The following FANCA variants were observed in gnomAD, a reference collection of about 807,000 sequenced individuals.
The protein encoded by FANCA is FA complementation group A, also known as Fanconi anemia group A protein.
Under a neutral mutation model 194.3 loss-of-function variants are expected in FANCA, and 236 were observed. That is an observed-to-expected ratio of 1.21 (90% CI 1.09 to 1.35). The LOEUF is 1.35. Ranked by LOEUF, FANCA falls within the 40% of genes most tolerant of loss-of-function variation. The pLI, the probability that FANCA is intolerant of heterozygous loss-of-function variation, is 0.00. For missense variants in FANCA, 2,628 were observed against 1,813.9 expected, an observed-to-expected ratio of 1.45 and a Z score of -8.15; for synonymous variants, 1,014 against 715.8, an observed-to-expected ratio of 1.42 and a Z score of -6.65.
At chr16:89,762,765 G>A (rs188283465) in intron 28 of FANCA, 32 of 452,178 alleles carry the variant, frequency 7.1e-5, no homozygotes, top group Non-Finnish European at 1.3e-4. Flanking sequence ...CAGATGGCTG[G>A]GACTGCAGGT....
At chr16:89,778,530 A>T in intron 20 of FANCA, 1 of 437,758 alleles carries the variant, frequency 2.3e-6, no homozygotes, top group Non-Finnish European at 4.1e-6. Flanking sequence ...CAGGAGGCTG[A>T]AGCAAGAGAA....
chr16:89,772,062 G>T (rs1295494906), intron 22 of FANCA, among the ~76,000 whole-genome samples: 1 of 152,134 alleles, frequency 6.6e-6, no homozygotes, highest in Non-Finnish European at 1.5e-5. Flanking sequence ...GCTGAGAGGG[G>T]GACATGTTCA....
At position 89,816,619 on chromosome 16, in the gene FANCA, C is replaced by G. The variant is rs543968869; in HGVS notation, c.-4G>C. 2 of 1,522,828 alleles carry G rather than the reference C, an allele frequency of 1.3e-6. No homozygotes were observed. Among genetic ancestry groups the G allele is most frequent in the African/African-American group, 2.8e-5 (2 of 70,416 alleles). The allele number at this position is 1,522,828 out of a possible 1,614,324, so 94.3% of individuals were successfully genotyped here. On this transcript the variant is annotated 5_prime_UTR_variant, in exon 1 of 43. Coordinates refer to ENST00000389301, the MANE Select transcript of FANCA (RefSeq NM_000135.4). ...TCGGGACCCACGAGTCGGACATGGCCTTGGCGCCTACAGCCCCGGCGGCGG... is the reference window on the plus strand; with the variant it reads ...TCGGGACCCACGAGTCGGACATGGCGTTGGCGCCTACAGCCCCGGCGGCGG...
intron 30 of FANCA, 125 bp downstream of exon 30, chr16:89,758,452 G>A (rs2038834245): frequency 8.9e-7 from 1 of 1,120,400 alleles, no homozygotes; most frequent in Non-Finnish European, 1.3e-6. Flanking sequence ...TTGGGTATAG[G>A]CTGGGAAAGG....
chr16:89,771,913 G>A (rs1407766053), intron 22 of FANCA, 99 bp from the exon 23 acceptor site: 15 of 1,386,874 alleles, frequency 1.1e-5, no homozygotes, highest in East Asian at 2.3e-5. Flanking sequence ...ACGATTCCAC[G>A]GATCCTGCTG....
At chr16:89,778,280 A>G (rs2039580823) in intron 20 of FANCA, 1 of 248,450 alleles carries the variant, frequency 4.0e-6, no homozygotes, top group South Asian at 3.5e-5. Flanking sequence ...CGCCTGGCCA[A>G]TATGGCAAAA....
chr16:89,779,936 C>T lies in FANCA; in HGVS notation c.1648G>A (p.Asp550Asn). 4 of 1,614,164 alleles carry T rather than the reference C, an allele frequency of 2.5e-6. No homozygotes were observed. The South Asian group carries it at 3.3e-5, about 13-fold the overall frequency. ...ITEPHSQALQ[D>N]VEKAIMVFEH... ...AACACCATGATGGCCTTTTCAACATCCTGAAGAGCTTGGCTGTGGGGCTGG... is the reference window on the plus strand; with the variant it reads ...AACACCATGATGGCCTTTTCAACATTCTGAAGAGCTTGGCTGTGGGGCTGG... Residue 550 changes from aspartate to asparagine, a missense_variant, in exon 18 of 43, where the codon GAT (aspartate) becomes AAT (asparagine). Physicochemically the swap from Asp to Asn is conservative, Grantham distance 23. Transcript: ENST00000389301.
At chr16:89,793,563 G>T (rs776167836) in intron 11 of FANCA, among the ~76,000 whole-genome samples, 3 of 151,832 alleles carry the variant, frequency 2.0e-5, no homozygotes, top group South Asian at 2.1e-4. Flanking sequence ...TCGTGTCCTC[G>T]GTCTCTTGCC....
chr16:89,776,159 CTTTTTTTTTTTTTT>C (rs3069458), intron 20 of FANCA, among the ~76,000 whole-genome samples: 12 of 93,276 alleles, frequency 1.3e-4, no homozygotes, highest in Non-Finnish European at 2.2e-4. Context: ...CTTTGTTTTT[CTTTTTTTTTTTTTT>C]TTTTTTTTTT....
intron 5 of FANCA, 103 bp downstream of exon 5, chr16:89,810,604 T>G (rs2040839067): frequency 1.2e-6 from 1 of 814,584 alleles, no homozygotes; most frequent in Non-Finnish European, 2.2e-6. Flanking sequence ...AATGAGAAGC[T>G]TGGAGAATTC....
At chr16:89,740,226 A>C in intron 38 of FANCA, 127 bp from the exon 39 acceptor site, 1 of 836,758 alleles carries the variant, frequency 1.2e-6, no homozygotes, top group Non-Finnish European at 2.1e-6. Flanking sequence ...AACTGGTGAC[A>C]GTTTTACCTA....
rs2041097480 is a variant in FANCA at position 89,815,918 on chromosome 16, G to A, written c.148C>T (p.Leu50Phe). Residue 50 changes from leucine to phenylalanine, a missense_variant, in exon 2 of 43, where the codon CTC (leucine) becomes TTC (phenylalanine). Transcript: ENST00000389301. ...AQKLKESAVR[L>F]LRSHQDLNAL... ...TTCAGGTCCTGATGGCTTCGCAGGA[G>A]GCGCACAGCTGATTCCTTTAATTTC... 6 of 1,614,128 alleles carry A rather than the reference G, an allele frequency of 3.7e-6. No homozygotes were observed. Among genetic ancestry groups the A allele is most frequent in the Non-Finnish European group, 5.1e-6 (6 of 1,179,978 alleles).
At chr16:89,810,119 G>A (rs576582935) in intron 5 of FANCA, among the ~76,000 whole-genome samples, 9 of 152,072 alleles carry the variant, frequency 5.9e-5, no homozygotes, top group African/African-American at 1.4e-4. Context: ...TCAGGAGATC[G>A]AGACCATCCT....
At chr16:89,795,777 C>G (rs1368316990) in intron 11 of FANCA, 129 bp downstream of exon 11, 4 of 725,340 alleles carry the variant, frequency 5.5e-6, no homozygotes, top group Non-Finnish European at 1.0e-5. Context: ...AGGACCCAGT[C>G]TCTGGTTCAA....
At chr16:89,799,406 C>G (rs1035594503) in intron 9 of FANCA, among the ~76,000 whole-genome samples, 174 bp from the exon 10 acceptor site, 1 of 152,178 alleles carries the variant, frequency 6.6e-6, no homozygotes, top group Non-Finnish European at 1.5e-5. Flanking sequence ...CAAGAAAATG[C>G]TTCCCTGTGA....
intron 10 of FANCA, chr16:89,798,843 G>T: frequency 1.3e-6 from 2 of 1,505,210 alleles, no homozygotes; most frequent in South Asian, 1.3e-5. Flanking sequence ...ATCACACCCA[G>T]GGAAGGAGGA....
rs776001484 is a variant in FANCA, at chr16:89,742,935, G to C, written c.3630C>G (p.Phe1210Leu). The change falls in exon 37 of 43, where the codon TTC becomes TTG. Residue 1210 changes from phenylalanine (F) to leucine (L), a missense_variant. By Grantham distance (22) the Phe-to-Leu change is conservative. Transcript: ENST00000389301. ...CTGGGGAGGCAGCCTCAGGGGAGAG[G>C]AAACTGGGACAGAGAGAACGGGGTC... ...LQEGRQFASDFLSPEAASPAP... is the reference protein window; with the variant it reads ...LQEGRQFASDLLSPEAASPAP... 4 of 1,613,940 alleles carry C rather than the reference G, an allele frequency of 2.5e-6. No homozygotes were observed. The highest frequency in any genetic ancestry group is 3.3e-5 in the Admixed American group (2 of 60,008).
At chr16:89,785,096 T>C (rs1350617325) in intron 14 of FANCA, 132 bp from the exon 15 acceptor site, 10 of 723,836 alleles carry the variant, frequency 1.4e-5, no homozygotes, top group African/African-American at 1.7e-5. Context: ...GGCAGTGTCC[T>C]GTGTGGAGAG....
At chr16:89,799,583 G>A in intron 9 of FANCA, 22 bp downstream of exon 9, 1 of 1,609,680 alleles carries the variant, frequency 6.2e-7, no homozygotes, top group Non-Finnish European at 8.5e-7. Flanking sequence ...TTACAGTCTG[G>A]GCTGCAGTGC....
Sources: gnomAD v4.1 joint callset for allele counts (sites outside exome capture counted in the v4.1 genomes callset) on GRCh38, gnomAD v4.1.1 for gene constraint, MANE v1.5 for transcripts, NCBI Gene and HGNC (gene_info 2026-07-23, HGNC 2026-07-21) for gene names.